Variants in XKR9 observed in about 807,000 individuals in gnomAD.
XKR9 encodes XK-related protein 9.
Under a neutral mutation model 32.0 loss-of-function variants are expected in XKR9, and 32 were observed. The ratio of observed to expected loss-of-function variants is 1.00; its 90% CI spans 0.76 to 1.34. The LOEUF (loss-of-function observed/expected upper bound fraction) is 1.34, where lower values mean the gene tolerates loss of function less well. Ranked by LOEUF, XKR9 falls within the 40% of genes most tolerant of loss-of-function variation. XKR9 has a pLI of 0.00. For synonymous variants in XKR9, 168 were observed against 143.4 expected (o/e 1.17, Z -1.22); for missense variants, 546 against 429.7 (o/e 1.27, Z -2.39).
At chr8:70,850,381 G>C in the XKR9 span, among the ~76,000 whole-genome samples, 1 of 149,180 alleles carries the variant, frequency 6.7e-6, no homozygotes, top group African/African-American at 2.5e-5. Context: ...GGAGAATGGC[G>C]TGAACCCAGG....
chr8:70,711,143 A>C (rs1805906530), intron 4 of XKR9, among the ~76,000 whole-genome samples: 1 of 152,200 alleles, frequency 6.6e-6, no homozygotes. Flanking sequence ...GTGAGGTTGC[A>C]GAGAAAGGGG....
chr8:70,943,396 A>G, the XKR9 span, among the ~76,000 whole-genome samples: 1 of 152,202 alleles, frequency 6.6e-6, no homozygotes, highest in Non-Finnish European at 1.5e-5. Flanking sequence ...TAAGAGGAAT[A>G]AAGTAGGAGC....
At chr8:70,760,308 A>G (rs1226601623) in intron 2 of XKR9, among the ~76,000 whole-genome samples, 2 of 152,152 alleles carry the variant, frequency 1.3e-5, no homozygotes, top group African/African-American at 4.8e-5. Flanking sequence ...ATATTCAGCT[A>G]TTTTACCTAT....
intron 4 of XKR9, among the ~76,000 whole-genome samples, chr8:70,714,258 A>G (rs905916608): frequency 7.9e-5 from 12 of 152,174 alleles, no homozygotes; most frequent in African/African-American, 2.7e-4. Context: ...GCTTCAATGT[A>G]TGAATTTTGG....
the XKR9 span, among the ~76,000 whole-genome samples, chr8:70,968,431 A>C: frequency 1.4e-4 from 22 of 152,270 alleles, no homozygotes; most frequent in Non-Finnish European, 2.8e-4. Flanking sequence ...TCTGAAGCCT[A>C]CTTCTGCCAT....
At chr8:70,812,160 C>A in the XKR9 span, among the ~76,000 whole-genome samples, 17 of 152,236 alleles carry the variant, frequency 1.1e-4, no homozygotes, top group African/African-American at 4.1e-4. Context: ...GAAATGTAAT[C>A]CAGCATATAA....
At chr8:71,061,719 C>G in the XKR9 span, among the ~76,000 whole-genome samples, 1 of 152,134 alleles carries the variant, frequency 6.6e-6, no homozygotes, top group Non-Finnish European at 1.5e-5. Context: ...GGCTAAGTGT[C>G]TGTATCCCAA....
At chr8:70,710,340 A>G (rs957844041) in intron 4 of XKR9, among the ~76,000 whole-genome samples, 4 of 152,212 alleles carry the variant, frequency 2.6e-5, no homozygotes, top group Non-Finnish European at 4.4e-5. Flanking sequence ...TAAAAACTCT[A>G]GAAGAAAATC....
At chr8:70,674,423 A>G (rs752344751) in intron 1 of XKR9, among the ~76,000 whole-genome samples, 1 of 152,234 alleles carries the variant, frequency 6.6e-6, no homozygotes, top group Middle Eastern at 3.2e-3. Flanking sequence ...CAGACCAACA[A>G]TCATATGCTC....
At chr8:70,677,136 TA>T (rs996255436) in intron 2 of XKR9, among the ~76,000 whole-genome samples, 6 of 144,480 alleles carry the variant, frequency 4.2e-5, no homozygotes, top group Non-Finnish European at 9.4e-5. Flanking sequence ...TAAAAAAAAA[TA>T]AAAAAAATCT....
chr8:70,955,850 A>T, the XKR9 span, among the ~76,000 whole-genome samples: 1 of 152,220 alleles, frequency 6.6e-6, no homozygotes, highest in African/African-American at 2.4e-5. Context: ...AGGCAGCTCC[A>T]GGCACTGGCA....
At chr8:70,670,119 CG>C (rs1208554301) in intron 1 of XKR9, among the ~76,000 whole-genome samples, 1 of 152,110 alleles carries the variant, frequency 6.6e-6, no homozygotes, top group Non-Finnish European at 1.5e-5. Flanking sequence ...AAATGAAAAA[CG>C]GGGATTGGGC....
intron 2 of XKR9, among the ~76,000 whole-genome samples, chr8:70,782,442 G>A (rs1172472281): frequency 6.6e-6 from 1 of 151,850 alleles, no homozygotes; most frequent in African/African-American, 2.4e-5. Flanking sequence ...GTTTAGAAAT[G>A]TACATTACTC....
chr8:70,886,091 C>A, the XKR9 span, among the ~76,000 whole-genome samples: 1 of 152,118 alleles, frequency 6.6e-6, no homozygotes, highest in Non-Finnish European at 1.5e-5. Context: ...CACCTGGTGT[C>A]CATGTGTTCT....
At chr8:70,736,305 T>C (rs558899424), downstream of XKR9, among the ~76,000 whole-genome samples, 26 of 136,196 alleles carry the variant, frequency 1.9e-4, no homozygotes, top group Non-Finnish European at 4.4e-4. Context: ...GCCCACTTTT[T>C]GATGGGGTTG....
intron 4 of XKR9, among the ~76,000 whole-genome samples, chr8:70,726,739 C>G (rs1287031048): frequency 1.3e-5 from 2 of 152,196 alleles, no homozygotes; most frequent in African/African-American, 4.8e-5. Context: ...AGACATTTAG[C>G]TCGTTGACTT....
chr8:70,895,424 C>T, the XKR9 span, among the ~76,000 whole-genome samples: 482 of 152,260 alleles, frequency 3.2e-3, 1 homozygote, highest in African/African-American at 0.011. Flanking sequence ...GGCTCTCTTG[C>T]TGATGTCACT....
intron 2 of XKR9, among the ~76,000 whole-genome samples, chr8:70,781,938 G>A (rs1266541046): frequency 6.6e-6 from 1 of 152,110 alleles, no homozygotes; most frequent in Non-Finnish European, 1.5e-5. Context: ...TATGGATTTA[G>A]GAAAACAAAG....
At chr8:70,786,232 A>G (rs937457146) in intron 2 of XKR9, among the ~76,000 whole-genome samples, 2 of 152,154 alleles carry the variant, frequency 1.3e-5, no homozygotes, top group African/African-American at 4.8e-5. Context: ...GTGCACTTCA[A>G]CACAATGTGT....
Sources: allele counts gnomAD v4.1 joint callset (sites outside exome capture counted in the v4.1 genomes callset), GRCh38; gene constraint gnomAD v4.1.1; transcripts MANE v1.5; gene names NCBI Gene and HGNC (gene_info 2026-07-23, HGNC 2026-07-21).